The following USP36 variants were observed in gnomAD, a reference collection of about 807,000 sequenced individuals.
The protein encoded by USP36 is ubiquitin carboxyl-terminal hydrolase 36.
USP36 carries 59 observed loss-of-function variants against 111.5 expected under a neutral mutation model. The observed-to-expected ratio is 0.53, with a 90% CI of 0.43 to 0.66. The LOEUF (loss-of-function observed/expected upper bound fraction) is 0.66. Among genes scored for constraint, USP36 ranks in the 30% least tolerant of loss-of-function variants. The probability of loss-of-function intolerance (pLI) is 0.00; values close to 1 mark genes in which losing one functional copy is unlikely to be tolerated. For synonymous variants in USP36, 628 were observed against 581.0 expected (o/e 1.08, Z -1.16); for missense variants, 1,488 against 1,468.0 (o/e 1.01, Z -0.22).
In USP36 at chr17:78,798,944, C is replaced by T. The variant is rs1356596432; in HGVS notation, c.3204G>A (p.Val1068=). The change falls in exon 19 of 21, where the codon GTG becomes GTA. Residue 1068 remains valine, a synonymous_variant. Coordinates refer to ENST00000449938, the MANE Select transcript of USP36 (RefSeq NM_001385174.1). The surrounding 1 kb of genome is among the most constrained non-coding windows in gnomAD (Gnocchi z 5.1). ...CAAACTCTTCGTCCCAGTCATCAACCACGGTCTCAGTCCGGGCCTGTCTGC... is the reference window on the plus strand; with the variant it reads ...CAAACTCTTCGTCCCAGTCATCAACTACGGTCTCAGTCCGGGCCTGTCTGC... ...EDSRQARTET[V]VDDWDEEFDR... is the part of the protein sequence containing the mutation. 6.2e-7 allele frequency: 1 copy of T among 1,614,182 alleles called. No individual in the cohort carries two copies. Among genetic ancestry groups the T allele is most frequent in the Non-Finnish European group, 8.5e-7 (1 of 1,180,044 alleles).
At chr17:78,787,459 G>A (rs1452440848) in exon 4 of USP36, 3 of 152,182 alleles carry the variant, frequency 2.0e-5, no homozygotes, top group Admixed American at 6.5e-5. Context: ...CAGTCAGAAC[G>A]GTGGTATATA....
In USP36 at chr17:78,796,143, T is replaced by G. The variant is rs1025430088; in HGVS notation, c.*1757A>C. ...AGGAAAAGGTTTTACAGTTATCTAG[T>G]GGAGAAGGGAAGAGACTGATTTGGA... is the stretch of plus-strand genomic sequence containing the variant. On this transcript the variant is annotated 3_prime_UTR_variant, in exon 21 of 21. Coordinates refer to ENST00000449938, the MANE Select transcript of USP36 (RefSeq NM_001385174.1). 6.6e-6 allele frequency: 1 copy of G among 151,644 alleles called. No individual in the cohort carries two copies. Among genetic ancestry groups the G allele is most frequent in the South Asian group, 2.1e-4 (1 of 4,796 alleles). 9.4% of individuals were successfully genotyped at this position (151,644 alleles called of 1,614,324 possible). A position where few individuals can be genotyped will look rare whatever the true frequency, so the allele number is the denominator to read the frequency against.
intron 3 of USP36, among the ~76,000 whole-genome samples, chr17:78,788,346 G>T (rs1157258299): frequency 6.6e-6 from 1 of 152,046 alleles, no homozygotes; most frequent in Non-Finnish European, 1.5e-5. Context: ...TGTATTTTTA[G>T]TAGAGACAGG....
chr17:78,806,888 T>C, intron 14 of USP36, 71 bp downstream of exon 14: 1 of 1,565,248 alleles, frequency 6.4e-7, no homozygotes, highest in Non-Finnish European at 8.7e-7. Flanking sequence ...TCTCACTCCC[T>C]TCAAACCACA....
intron 15 of USP36, among the ~76,000 whole-genome samples, chr17:78,805,828 T>C (rs1414507490): frequency 6.6e-6 from 1 of 152,234 alleles, no homozygotes; most frequent in Non-Finnish European, 1.5e-5. Flanking sequence ...TGGGAAGTAC[T>C]GTCATGGGGC....
At chr17:78,817,734 T>C (rs2094220476) in intron 10 of USP36, among the ~76,000 whole-genome samples, 2 of 146,370 alleles carry the variant, frequency 1.4e-5, no homozygotes, top group African/African-American at 5.1e-5. Context: ...CAAGACTCTG[T>C]CTCAAAAAAA....
intron 13 of USP36, 43 bp from the exon 14 acceptor site, chr17:78,807,679 G>T (rs371038647): frequency 1.2e-4 from 185 of 1,501,804 alleles, no homozygotes; most frequent in Middle Eastern, 5.4e-4. Context: ...GAAGCGAGAA[G>T]TCTCAGCTGG....
intron 2 of USP36, among the ~76,000 whole-genome samples, chr17:78,837,050 C>T (rs559234044): frequency 1.3e-5 from 2 of 152,178 alleles, no homozygotes; most frequent in Non-Finnish European, 2.9e-5. Flanking sequence ...TAAAACATCC[C>T]AGTAATTTTT....
In USP36 at chr17:78,836,485, CT is replaced by C. The variant is rs2068683199; in HGVS notation, c.-9-114del. On this transcript the variant is annotated intron_variant, in intron 2 of 20. Transcript: ENST00000449938. The stretch of plus-strand genomic sequence containing the variant: ...GATGCTAGCCACCACAAAAGCTCCC[CT>C]GGATCAGTGATCCCCTGGATCAGCT... The C allele has an allele frequency of 2.9e-6, 4 of 1,378,664 alleles. No individual in the cohort carries two copies. The East Asian group carries it at 7.2e-5, about 25-fold the overall frequency. 85.4% of individuals were successfully genotyped at this position (1,378,664 alleles called of 1,614,324 possible).
rs61555105 is a variant in USP36 at position 78,800,228 on chromosome 17, C to T, written c.3023-460G>A. ...GAAGAGAACTAGATCTAAATGGAAT[C>T]CACCTCACCTACGGGAGAGGCCCAT... On this transcript the variant is annotated intron_variant, in intron 17 of 20. Transcript: ENST00000449938. Among the ~76,000 whole-genome samples, 879 of 152,224 alleles carry T rather than the reference C, an allele frequency of 5.8e-3. 40 individuals are homozygous for T. In the East Asian group the frequency reaches 0.11, roughly 20 times the overall value.
In USP36 at chr17:78,812,945, G is replaced by A. The variant is rs772858458; in HGVS notation, c.1322C>T (p.Ser441Phe). Residue 441 changes from serine to phenylalanine, a missense_variant, in exon 13 of 21, where the codon TCC (serine) becomes TTC (phenylalanine). Ser to Phe is a radical substitution (Grantham distance 155, BLOSUM62 -2). Coordinates refer to ENST00000449938, the MANE Select transcript of USP36 (RefSeq NM_001385174.1). The part of the protein sequence containing the change: ...EGLISRTGSS[S>F]LPGRPSVIPD... ...AATCACACTCGGGCGGCCGGGAAGG[G>A]AGGAGGAGCCTGTCCTGGAGATGAG... 1.2e-6 allele frequency: 2 copies of A among 1,613,984 alleles called. No homozygotes were observed. The highest frequency in any genetic ancestry group is 1.7e-6 in the Non-Finnish European group (2 of 1,180,030).
At chr17:78,821,219 G>T in intron 7 of USP36, 158 bp from the exon 8 acceptor site, 1 of 636,446 alleles carries the variant, frequency 1.6e-6, no homozygotes, top group Non-Finnish European at 2.6e-6. Flanking sequence ...CGAACAGAGA[G>T]CTCTCTTTCA....
intron 13 of USP36, among the ~76,000 whole-genome samples, chr17:78,811,172 G>GA (rs2094046190): frequency 6.8e-6 from 1 of 146,624 alleles, no homozygotes; most frequent in African/African-American, 2.5e-5. Flanking sequence ...GTCATCAAGA[G>GA]GGTCCACCCC....
rs562880320 is a variant in USP36 at position 78,838,327 on chromosome 17, G to A, written c.-10+260C>T. The stretch of plus-strand genomic sequence containing the variant: ...GCAGAGGTTGGAGTGAGCCGAGATC[G>A]CGCCACTGCACTCCAGCCTGGGCAA... On this transcript the variant is annotated intron_variant, in intron 2 of 20. Transcript: ENST00000449938. Among the ~76,000 whole-genome samples, 65 of 141,402 alleles carry A rather than the reference G, an allele frequency of 4.6e-4. No individual in the cohort carries two copies. In the South Asian group the frequency reaches 0.014, roughly 30 times the overall value. 92.8% of individuals were successfully genotyped at this position (141,402 alleles called of 152,430 possible). A position where few individuals can be genotyped will look rare whatever the true frequency, so the allele number is the denominator to read the frequency against.
rs543626329 is a variant in USP36 at position 78,821,365 on chromosome 17, G to C, written c.758-304C>G. On this transcript the variant is annotated intron_variant, in intron 7 of 20. Coordinates refer to ENST00000449938, the MANE Select transcript of USP36 (RefSeq NM_001385174.1). ...GAAGAGCTGCCTCCTCCCTGCACGC[G>C]TGCACGGCACTTCCTAATGAGAATA... The C allele has an allele frequency of 1.4e-5, 3 of 209,136 alleles. No homozygotes were observed. The Admixed American group carries it at 1.8e-4, about 12-fold the overall frequency. The allele number at this position is 209,136 out of a possible 1,614,324, so 13.0% of individuals were successfully genotyped here.
At position 78,835,343 on chromosome 17, in the gene USP36, G is replaced by A; in HGVS notation, c.412C>T (p.Gln138Ter). 1 of 1,614,202 alleles carries A rather than the reference G, an allele frequency of 6.2e-7. No individual in the cohort carries two copies. Among genetic ancestry groups the A allele is most frequent in the East Asian group, 2.2e-5 (1 of 44,862 alleles). ...AGAGGTGGTGTGTAGGTCAAGCACT[G>A]GATGGTGGCATTGAGAAAGCAGGTG... ...GNTCFLNATI[Q>*]CLTYTPPLAN... Residue 138 changes from glutamine to a stop codon, truncating the protein, a stop_gained, in exon 4 of 21, where the codon CAG becomes TAG. Coordinates refer to ENST00000449938, the MANE Select transcript of USP36 (RefSeq NM_001385174.1). LOFTEE classifies it high-confidence loss of function.
At position 78,803,733 on chromosome 17, in the gene USP36, T is replaced by C; in HGVS notation, c.2462A>G (p.Gln821Arg). Reference sequence around the variant, plus strand: ...GAGGCGCGTCTCTGAGCCCAGCCTCTGCGGCTCTCCCACAAAGGTCTTTTT... The same window carrying C: ...GAGGCGCGTCTCTGAGCCCAGCCTCCGCGGCTCTCCCACAAAGGTCTTTTT... ...KRKKTFVGEPQRLGSETRLPQ... is the reference protein window; with the variant it reads ...KRKKTFVGEPRRLGSETRLPQ... Residue 821 changes from glutamine to arginine, a missense_variant, in exon 16 of 21, where the codon CAG becomes CGG. By Grantham distance (43) the Gln-to-Arg change is conservative (BLOSUM62 1). Transcript: ENST00000449938. This position sits in a 1 kb window ranked among gnomAD's most constrained non-coding sequence, Gnocchi z 4.6. The C allele has an allele frequency of 6.2e-7, 1 of 1,612,230 alleles. No homozygotes were observed. The highest frequency in any genetic ancestry group is 8.5e-7 in the Non-Finnish European group (1 of 1,179,902).
chr17:78,798,915 C>T lies in USP36; in HGVS notation c.3233G>A (p.Arg1078Gln), dbSNP rs377168449. Residue 1078 changes from arginine to glutamine, a missense_variant, in exon 19 of 21, where the codon CGA (arginine) becomes CAA (glutamine). By Grantham distance (43) the Arg-to-Gln change is conservative. This residue lies in a region of USP36 where 1,073 missense variants were observed against 994.1 expected (regional missense o/e 1.08). Coordinates refer to ENST00000449938, the MANE Select transcript of USP36 (RefSeq NM_001385174.1). This position sits in a 1 kb window ranked among gnomAD's most constrained non-coding sequence, Gnocchi z 5.1. ...CAGCATCACACATCATACCTTCCCT[C>T]GGTCAAACTCTTCGTCCCAGTCATC... ...VVDDWDEEFD[R>Q]GKEKKIKKFK... 19 of 1,613,984 alleles carry T rather than the reference C, an allele frequency of 1.2e-5. No homozygotes were observed. The highest frequency in any genetic ancestry group is 1.4e-5 in the Non-Finnish European group (16 of 1,180,038).
At chr17:78,815,901 CACGCACACATGCAT>C (rs1223408563) in intron 10 of USP36, among the ~76,000 whole-genome samples, 7 of 152,026 alleles carry the variant, frequency 4.6e-5, no homozygotes, top group Admixed American at 1.3e-4. Flanking sequence ...CACATACATG[CACGCACACATGCAT>C]ACGCACACAT....
Sources: gnomAD v4.1 joint callset for allele counts (sites outside exome capture counted in the v4.1 genomes callset) on GRCh38, gnomAD v4.1.1 for gene constraint, gnomAD v4.1.1 regional missense constraint, Gnocchi (gnomAD v3.1) non-coding constraint, MANE v1.5 for transcripts, NCBI Gene and HGNC (gene_info 2026-07-23, HGNC 2026-07-21) for gene names.